The following STAU2 variants were observed in gnomAD, a reference collection of about 807,000 sequenced individuals.
STAU2 encodes staufen double-stranded RNA binding protein 2, also known as double-stranded RNA-binding protein Staufen homolog 2.
STAU2 carries 20 observed loss-of-function variants against 65.9 expected under a neutral mutation model. That is an observed-to-expected ratio of 0.30 (90% CI 0.21 to 0.44). The LOEUF (loss-of-function observed/expected upper bound fraction) is 0.44. STAU2 is among the 20% of genes least tolerant of loss of function. STAU2 has a pLI of 1.00. For missense variants in STAU2, 558 were observed against 683.9 expected (o/e 0.82, Z 2.05); for synonymous variants, 232 against 233.9 (o/e 0.99, Z 0.07).
At chr8:73,530,700 G>C (rs987464304) in intron 13 of STAU2, among the ~76,000 whole-genome samples, 53 of 152,280 alleles carry the variant, frequency 3.5e-4, no homozygotes, top group African/African-American at 1.3e-3. Context: ...AGGTATCTGA[G>C]AGCTTATTGA....
chr8:73,571,269 A>G (rs1451237653), intron 12 of STAU2, among the ~76,000 whole-genome samples: 2 of 152,216 alleles, frequency 1.3e-5, no homozygotes. Context: ...ACCTACAAAG[A>G]GACTTAGACT....
rs576877836 is a variant in STAU2, at chr8:73,637,267, G to A, written c.411-19816C>T. On this transcript the variant is annotated intron_variant, in intron 6 of 14. Coordinates refer to ENST00000524300, the MANE Select transcript of STAU2 (RefSeq NM_001164380.2). ...ACCCAAAAATTTCCTTTGGTAAAAG[G>A]CATATTTACATATTCAAGAAGCTCA... 7.2e-4 allele frequency among the ~76,000 whole-genome samples: 109 copies of A among 151,288 alleles called. 1 individual carries two copies. The highest frequency in any genetic ancestry group is 1.1e-3 in the Non-Finnish European group (72 of 67,778).
intron 3 of STAU2, among the ~76,000 whole-genome samples, chr8:73,725,676 A>C (rs773408468): frequency 6.6e-6 from 1 of 152,236 alleles, no homozygotes; most frequent in Non-Finnish European, 1.5e-5. Flanking sequence ...TCATGCCTGT[A>C]ATCCCAGCCC....
At chr8:73,630,174 T>G (rs935720623) in intron 6 of STAU2, among the ~76,000 whole-genome samples, 1 of 152,260 alleles carries the variant, frequency 6.6e-6, no homozygotes, top group African/African-American at 2.4e-5. Context: ...ACAAATCCTC[T>G]GGGGAATGCA....
rs1820012106 is a variant in STAU2, at chr8:73,700,392, C to CA, written c.114+8639dup. On this transcript the variant is annotated intron_variant, in intron 4 of 14. Coordinates refer to ENST00000524300, the MANE Select transcript of STAU2 (RefSeq NM_001164380.2). ...GAAGAAGTCAAATTATCATTGTTTG[C>CA]AGATGATATGATCTTATATTTAAAA... is the stretch of plus-strand genomic sequence containing the variant. Among the ~76,000 whole-genome samples the CA allele has an allele frequency of 2.0e-5, 3 of 152,092 alleles. No individual in the cohort carries two copies. In the South Asian group the frequency reaches 6.2e-4, roughly 32 times the overall value.
chr8:73,546,123 CTTTTTTTTTTTT>C (rs71561528), intron 13 of STAU2, among the ~76,000 whole-genome samples: 4 of 93,290 alleles, frequency 4.3e-5, no homozygotes, highest in African/African-American at 4.2e-5. Context: ...GTTTGGTTTT[CTTTTTTTTTTTT>C]TTTTTTTTTT....
chr8:73,673,061 T>A, intron 6 of STAU2, 46 bp downstream of exon 6: 1 of 1,448,826 alleles, frequency 6.9e-7, no homozygotes, highest in Non-Finnish European at 9.2e-7. Flanking sequence ...TTTTATAACA[T>A]GGATAAAATA....
At chr8:73,582,129 C>T (rs1406256699) in intron 12 of STAU2, among the ~76,000 whole-genome samples, 1 of 152,012 alleles carries the variant, frequency 6.6e-6, no homozygotes, top group Non-Finnish European at 1.5e-5. Flanking sequence ...TGATCATATA[C>T]ATTTGAAAAA....
chr8:73,516,584 A>G (rs550897958), intron 13 of STAU2, among the ~76,000 whole-genome samples: 1 of 152,316 alleles, frequency 6.6e-6, no homozygotes, highest in African/African-American at 2.4e-5. Flanking sequence ...ATGAAAGAAA[A>G]ATATTGAAAT....
chr8:73,693,079 T>C (rs1161271166), intron 4 of STAU2, among the ~76,000 whole-genome samples: 1 of 152,024 alleles, frequency 6.6e-6, no homozygotes, highest in East Asian at 1.9e-4. Context: ...GGGGATCCCT[T>C]GAGCCCAGGA....
At chr8:73,457,465 G>A (rs1431791385) in intron 13 of STAU2, among the ~76,000 whole-genome samples, 2 of 152,186 alleles carry the variant, frequency 1.3e-5, no homozygotes, top group African/African-American at 4.8e-5. Flanking sequence ...CTTAGGCTTA[G>A]GCACCCTCTC....
At chr8:73,613,512 A>C (rs960791634) in intron 9 of STAU2, among the ~76,000 whole-genome samples, 7 of 152,228 alleles carry the variant, frequency 4.6e-5, no homozygotes, top group African/African-American at 1.4e-4. Context: ...AACAACAAAG[A>C]AATACATAAA....
At position 73,438,666 on chromosome 8, in the gene STAU2, G is replaced by A. The variant is rs183978425; in HGVS notation, c.1531-15964C>T. Among the ~76,000 whole-genome samples, 7 of 152,356 alleles carry A rather than the reference G, an allele frequency of 4.6e-5. No homozygotes were observed. In the East Asian group the frequency reaches 5.8e-4, roughly 13 times the overall value. The stretch of plus-strand genomic sequence containing the variant: ...AACAGGAAGGAATCTTGTGTCCAGC[G>A]AGGGCAAGCTAGATGCTAAGACTGG... On this transcript the variant is annotated intron_variant, in intron 13 of 14. Coordinates refer to ENST00000524300, the MANE Select transcript of STAU2 (RefSeq NM_001164380.2).
intron 3 of STAU2, among the ~76,000 whole-genome samples, chr8:73,716,512 C>T (rs1005004123): frequency 6.6e-6 from 1 of 152,206 alleles, no homozygotes; most frequent in Non-Finnish European, 1.5e-5. Context: ...TCCAGTGAAG[C>T]TATCTAGAGA....
chr8:73,462,589 G>T (rs1015795496), intron 13 of STAU2, among the ~76,000 whole-genome samples: 3 of 151,228 alleles, frequency 2.0e-5, no homozygotes, highest in Non-Finnish European at 4.4e-5. Context: ...ATAGAGAAAG[G>T]GTCTCCCCAT....
In STAU2 at chr8:73,659,688, A is replaced by AC. The variant is rs564264132; in HGVS notation, c.410+13418dup. Among the ~76,000 whole-genome samples the AC allele has an allele frequency of 5.9e-5, 9 of 152,358 alleles. 1 individual carries two copies. The South Asian group carries it at 1.9e-3, about 32-fold the overall frequency. On this transcript the variant is annotated intron_variant, in intron 6 of 14. Coordinates refer to ENST00000524300, the MANE Select transcript of STAU2 (RefSeq NM_001164380.2). ...GAGCATTGCTTCAAACACAAAATAAACCAAGTATTTTTCAGAGCTTGAGCA... is the reference window on the plus strand; with the variant it reads ...GAGCATTGCTTCAAACACAAAATAAACCCAAGTATTTTTCAGAGCTTGAGCA...
chr8:73,704,709 G>A (rs1273373617), intron 4 of STAU2, among the ~76,000 whole-genome samples: 5 of 151,946 alleles, frequency 3.3e-5, no homozygotes, highest in Non-Finnish European at 4.4e-5. Flanking sequence ...TCCCTCTGTC[G>A]CCAGGCTGGA....
Position 73,625,901 on chromosome 8 carries a change from G to A in STAU2, c.411-8450C>T, listed in dbSNP as rs558888328. On this transcript the variant is annotated intron_variant, in intron 6 of 14. Coordinates refer to ENST00000524300, the MANE Select transcript of STAU2 (RefSeq NM_001164380.2). Reference sequence around the variant, plus strand: ...AAAAGACCTCCCTTTTGCACTCTAGGATGTTACTGACCTGGTCTTCTTCCT... The same window carrying A: ...AAAAGACCTCCCTTTTGCACTCTAGAATGTTACTGACCTGGTCTTCTTCCT... Among the ~76,000 whole-genome samples, 6 of 152,146 alleles carry A rather than the reference G, an allele frequency of 3.9e-5. No individual in the cohort carries two copies. In the East Asian group the frequency reaches 1.2e-3, roughly 29 times the overall value.
intron 13 of STAU2, among the ~76,000 whole-genome samples, chr8:73,456,075 C>G (rs1263766836): frequency 2.6e-5 from 4 of 152,212 alleles, no homozygotes; most frequent in African/African-American, 4.8e-5. Context: ...GACATGCTCT[C>G]CAGTGGGCAG....
Sources: allele counts gnomAD v4.1 joint callset (sites outside exome capture counted in the v4.1 genomes callset), GRCh38; gene constraint gnomAD v4.1.1; transcripts MANE v1.5; gene names NCBI Gene and HGNC (gene_info 2026-07-23, HGNC 2026-07-21).